Variants in VOPP1 observed in about 807,000 individuals in gnomAD.
VOPP1 encodes the protein WW domain binding protein VOPP1.
VOPP1 carries 8 observed loss-of-function variants against 23.5 expected under a neutral mutation model. The observed-to-expected ratio is 0.34, with a 90% confidence interval of 0.20 to 0.61. VOPP1 has a LOEUF of 0.61. Among genes scored for constraint, VOPP1 ranks in the 20% least tolerant of loss-of-function variants. VOPP1 has a pLI of 0.78. For missense variants in VOPP1, 174 were observed against 238.1 expected (o/e 0.73, Z 1.77); for synonymous variants, 83 against 97.3 (o/e 0.85, Z 0.86).
chr7:55,478,687 A>T (rs935669370), intron 4 of VOPP1, among the ~76,000 whole-genome samples: 1 of 152,244 alleles, frequency 6.6e-6, no homozygotes, highest in African/African-American at 2.4e-5. Flanking sequence ...TGCAGGAAGC[A>T]TGGAATAGAA....
chr7:55,485,675 C>T (rs1793083519), intron 4 of VOPP1, among the ~76,000 whole-genome samples: 1 of 152,214 alleles, frequency 6.6e-6, no homozygotes, highest in African/African-American at 2.4e-5. Context: ...ACAGGGCCCA[C>T]ACAGGGCGCC....
chr7:55,474,897 A>T (rs779204735), intron 4 of VOPP1, among the ~76,000 whole-genome samples: 1 of 152,240 alleles, frequency 6.6e-6, no homozygotes, highest in Non-Finnish European at 1.5e-5. Flanking sequence ...ACCAGGAGCC[A>T]GGGCAGCAAG....
chr7:55,566,531 C>T (rs1011068680), intron 1 of VOPP1, among the ~76,000 whole-genome samples: 1 of 152,156 alleles, frequency 6.6e-6, no homozygotes, highest in African/African-American at 2.4e-5. Context: ...CACTGCACTC[C>T]AGCCTAGGCG....
chr7:55,518,870 G>C (rs576097798), intron 2 of VOPP1, among the ~76,000 whole-genome samples: 2 of 152,332 alleles, frequency 1.3e-5, no homozygotes, highest in East Asian at 3.9e-4. Flanking sequence ...CGTGAGAACT[G>C]GACAGGAGAA....
intron 4 of VOPP1, among the ~76,000 whole-genome samples, chr7:55,436,622 G>A (rs1475738325): frequency 2.1e-5 from 3 of 140,360 alleles, no homozygotes; most frequent in African/African-American, 8.0e-5. Context: ...GCATGAGTGT[G>A]TGTGTGTGCG....
At chr7:55,487,716 T>C (rs913686668) in intron 4 of VOPP1, among the ~76,000 whole-genome samples, 1 of 152,280 alleles carries the variant, frequency 6.6e-6, no homozygotes, top group African/African-American at 2.4e-5. Flanking sequence ...TGTCTTGATC[T>C]TGACTATGAA....
chr7:55,485,082 G>C (rs935703915), intron 4 of VOPP1, among the ~76,000 whole-genome samples: 2 of 152,146 alleles, frequency 1.3e-5, no homozygotes, highest in Non-Finnish European at 2.9e-5. Context: ...GATTAGCCCT[G>C]GGATTCTGTG....
intron 1 of VOPP1, among the ~76,000 whole-genome samples, chr7:55,557,960 A>C (rs1386794458): frequency 6.6e-6 from 1 of 152,220 alleles, no homozygotes; most frequent in African/African-American, 2.4e-5. Flanking sequence ...AGACGTTCTA[A>C]TCAATATGCG....
intron 1 of VOPP1, among the ~76,000 whole-genome samples, chr7:55,545,717 G>A (rs892518419): frequency 3.3e-5 from 5 of 152,242 alleles, no homozygotes; most frequent in Admixed American, 1.3e-4. Flanking sequence ...AAGGCTCCCT[G>A]TCTGGCAAGC....
chr7:55,538,682 C>T, intron 1 of VOPP1: 1 of 1,535,000 alleles, frequency 6.5e-7, no homozygotes, highest in Non-Finnish European at 8.7e-7. Context: ...AAAACAGCTA[C>T]AAACTACTTA....
intron 2 of VOPP1, among the ~76,000 whole-genome samples, chr7:55,504,363 T>A (rs958555751): frequency 3.9e-5 from 6 of 152,222 alleles, no homozygotes; most frequent in African/African-American, 1.4e-4. Context: ...TAGCTACCTA[T>A]GAGAAATTGG....
intron 2 of VOPP1, 31 bp from the exon 3 acceptor site, chr7:55,497,721 T>G (rs1223645807): frequency 6.2e-7 from 1 of 1,607,010 alleles, no homozygotes; most frequent in Admixed American, 1.7e-5. Context: ...TGGTCAGCAC[T>G]GAATTGGAAG....
chr7:55,473,559 C>T (rs924721465), intron 4 of VOPP1, among the ~76,000 whole-genome samples: 1 of 152,150 alleles, frequency 6.6e-6, no homozygotes, highest in East Asian at 1.9e-4. Flanking sequence ...GATTGACGCT[C>T]CATGGGTCAG....
intron 1 of VOPP1, among the ~76,000 whole-genome samples, chr7:55,550,697 C>G (rs2129053572): frequency 6.6e-6 from 1 of 152,244 alleles, no homozygotes; most frequent in South Asian, 2.1e-4. Flanking sequence ...CGCTAACAGG[C>G]TGATGGGTAA....
rs562528983 is a variant in VOPP1, at chr7:55,562,056, T to A, written c.54+10215A>T. ...TGCATCAGAAGCAATGTGCATCTGT[T>A]AAAAAATAAAGATGACTAGGCTCCA... On this transcript the variant is annotated intron_variant, in intron 1 of 4. Coordinates refer to ENST00000285279, the MANE Select transcript of VOPP1 (RefSeq NM_030796.5). 27 of 703,302 alleles carry A rather than the reference T, an allele frequency of 3.8e-5. No individual in the cohort carries two copies. In the South Asian group the frequency reaches 4.0e-4, roughly 10 times the overall value. 43.6% of individuals were successfully genotyped at this position (703,302 alleles called of 1,614,324 possible). A position where few individuals can be genotyped will look rare whatever the true frequency, so the allele number is the denominator to read the frequency against.
rs200733411 is a variant in VOPP1, at chr7:55,563,493, T to A, written c.54+8778A>T. Among the ~76,000 whole-genome samples the A allele has an allele frequency of 2.6e-5, 4 of 152,224 alleles. No homozygotes were observed. The East Asian group carries it at 7.7e-4, about 29-fold the overall frequency. ...TAAACAAGATCACACAGGTTGAGTA[T>A]CCTTTACCTGAGATGCTTGGGACCA... On this transcript the variant is annotated intron_variant, in intron 1 of 4. Transcript: ENST00000285279.
chr7:55,495,922 C>A (rs1397422012), intron 3 of VOPP1, among the ~76,000 whole-genome samples: 1 of 152,234 alleles, frequency 6.6e-6, no homozygotes, highest in African/African-American at 2.4e-5. Context: ...TGACCTTATG[C>A]AATGGGACTT....
chr7:55,492,558 G>C (rs763746218), intron 3 of VOPP1, 140 bp from the exon 4 acceptor site: 20 of 1,062,206 alleles, frequency 1.9e-5, no homozygotes, highest in Non-Finnish European at 2.6e-5. Context: ...GGCAAGGGCA[G>C]AGCCATGAGG....
intron 2 of VOPP1, among the ~76,000 whole-genome samples, chr7:55,503,377 G>C (rs745851092): frequency 5.3e-5 from 8 of 152,310 alleles, no homozygotes; most frequent in South Asian, 2.1e-4. Flanking sequence ...TCCTGCACAG[G>C]AGGAAAGAGG....
Sources: allele counts gnomAD v4.1 joint callset (sites outside exome capture counted in the v4.1 genomes callset), GRCh38; gene constraint gnomAD v4.1.1; transcripts MANE v1.5; gene names NCBI Gene and HGNC (gene_info 2026-07-23, HGNC 2026-07-21).